The following ANKRD13A variants were observed in gnomAD, a reference collection of about 807,000 sequenced individuals.
The protein encoded by ANKRD13A is ankyrin repeat domain-containing protein 13A.
Under a neutral mutation model 81.3 loss-of-function variants are expected in ANKRD13A, and 48 were observed. That is an observed-to-expected ratio of 0.59 (90% CI 0.47 to 0.75). ANKRD13A has a LOEUF of 0.75. Ranked by LOEUF, ANKRD13A falls within the 30% of genes least tolerant of loss-of-function variation. The pLI is 0.00. For synonymous variants in ANKRD13A, 230 were observed against 270.1 expected (o/e 0.85, Z 1.45); for missense variants, 612 against 734.0 (o/e 0.83, Z 1.92).
At chr12:110,035,471 G>A (rs1347241771) in intron 13 of ANKRD13A, among the ~76,000 whole-genome samples, 1 of 151,376 alleles carries the variant, frequency 6.6e-6, no homozygotes, top group African/African-American at 2.4e-5. Context: ...AATTTTTGAG[G>A]CAGAGTCTCA....
At chr12:110,001,402 G>GA (rs142858785) in intron 1 of ANKRD13A, among the ~76,000 whole-genome samples, 10,557 of 151,160 alleles carry the variant, frequency 0.07, 609 homozygotes, top group African/African-American at 0.15. Context: ...AGCCCTCACC[G>GA]AAGTCCAAAA....
At chr12:110,023,944 C>A in intron 6 of ANKRD13A, 102 bp from the exon 7 acceptor site, 2 of 1,173,870 alleles carry the variant, frequency 1.7e-6, no homozygotes, top group Non-Finnish European at 1.2e-6. Context: ...AAGTGTCCTT[C>A]ACTAACTTAA....
chr12:110,009,614 T>G (rs1890409729), intron 1 of ANKRD13A, among the ~76,000 whole-genome samples: 1 of 152,190 alleles, frequency 6.6e-6, no homozygotes, highest in African/African-American at 2.4e-5. Flanking sequence ...CACTTATTGT[T>G]TTAAAATCAC....
intron 12 of ANKRD13A, among the ~76,000 whole-genome samples, chr12:110,033,528 TA>T (rs1042125179): frequency 1.3e-5 from 2 of 152,164 alleles, no homozygotes; most frequent in Admixed American, 6.5e-5. Context: ...CGTATATGTT[TA>T]GGGGGAGAAA....
intron 6 of ANKRD13A, among the ~76,000 whole-genome samples, chr12:110,020,448 A>T (rs1891022069): frequency 6.6e-6 from 1 of 152,260 alleles, no homozygotes; most frequent in African/African-American, 2.4e-5. Flanking sequence ...GAATTAGGAC[A>T]TCTGTTTGTA....
At chr12:110,024,923 T>A (rs1235596397) in intron 7 of ANKRD13A, among the ~76,000 whole-genome samples, 1 of 152,232 alleles carries the variant, frequency 6.6e-6, no homozygotes, top group Non-Finnish European at 1.5e-5. Context: ...TTACAATAAT[T>A]TTTGTCAGTG....
intron 3 of ANKRD13A, 49 bp downstream of exon 3, chr12:110,013,298 C>G (rs200823148): frequency 5.0e-5 from 80 of 1,607,388 alleles, no homozygotes; most frequent in South Asian, 6.7e-5. Context: ...AATGCTGATA[C>G]AATTACTGGA....
rs1890956853 is a variant in ANKRD13A, at chr12:110,019,317, T to C, written c.723T>C (p.Ile241=). ...VINTSLDTKN[I]AFERTKSGFW... is the part of the protein sequence containing the mutation. ...ACACCAGCCTCGATACTAAAAATAT[T>C]GCTTTTGAAAGGTACAAATTTAGAC... is the stretch of plus-strand genomic sequence containing the variant. The change falls in exon 6 of 15, where the codon ATT becomes ATC. Residue 241 remains isoleucine (I), a synonymous_variant. Coordinates refer to ENST00000261739, the MANE Select transcript of ANKRD13A (RefSeq NM_033121.2). The C allele has an allele frequency of 6.2e-7, 1 of 1,605,486 alleles. No individual in the cohort carries two copies.
intron 1 of ANKRD13A, among the ~76,000 whole-genome samples, chr12:110,001,681 A>T (rs1275372504): frequency 3.3e-5 from 5 of 151,956 alleles, no homozygotes; most frequent in Non-Finnish European, 7.4e-5. Flanking sequence ...CTACCTCCCA[A>T]AGTGCTGGGA....
chr12:110,027,947 A>G, intron 9 of ANKRD13A, 181 bp downstream of exon 9: 1 of 610,546 alleles, frequency 1.6e-6, no homozygotes, highest in Non-Finnish European at 2.9e-6. Flanking sequence ...TTGAAAATAA[A>G]TAAGGATTTT....
Position 110,030,809 on chromosome 12 carries a change from T to G in ANKRD13A, c.1348+51T>G, listed in dbSNP as rs902798140. On this transcript the variant is annotated intron_variant, in intron 12 of 14. Coordinates refer to ENST00000261739, the MANE Select transcript of ANKRD13A (RefSeq NM_033121.2). ...TTAGTTTTGTTATTTAAAAAAAAAT[T>G]TATGGCCGGACGTGGTGGCTTATGC... is the stretch of plus-strand genomic sequence containing the variant. 3.3e-5 allele frequency: 43 copies of G among 1,292,920 alleles called. 1 individual carries two copies. The highest frequency in any genetic ancestry group is 1.5e-4 in the South Asian group (11 of 72,786). The allele number at this position is 1,292,920 out of a possible 1,614,324, so 80.1% of individuals were successfully genotyped here.
chr12:110,023,960 G>A (rs1191286559), intron 6 of ANKRD13A, 86 bp from the exon 7 acceptor site: 1 of 1,352,966 alleles, frequency 7.4e-7, no homozygotes, highest in East Asian at 2.3e-5. Flanking sequence ...CTTAAGCTGG[G>A]GGGGAAAAAA....
intron 2 of ANKRD13A, 111 bp downstream of exon 2, chr12:110,012,248 C>A (rs1469204288): frequency 4.7e-6 from 6 of 1,273,948 alleles, no homozygotes; most frequent in South Asian, 1.6e-5. Flanking sequence ...GTCTGTAGTA[C>A]CAGCTACTCA....
In ANKRD13A at chr12:110,038,450, A is replaced by C. The variant is rs182387760; in HGVS notation, c.*896A>C. Reference sequence around the variant, plus strand: ...CAAACCAGGTGTGTTCTACACCTGCATGAGTGAAGGATTTCCACGTAGACA... The same window carrying C: ...CAAACCAGGTGTGTTCTACACCTGCCTGAGTGAAGGATTTCCACGTAGACA... On this transcript the variant is annotated 3_prime_UTR_variant, in exon 15 of 15. Coordinates refer to ENST00000261739, the MANE Select transcript of ANKRD13A (RefSeq NM_033121.2). The C allele has an allele frequency of 3.9e-5, 6 of 152,714 alleles. No individual in the cohort carries two copies. In the East Asian group the frequency reaches 1.2e-3, roughly 30 times the overall value. 9.5% of individuals were successfully genotyped at this position (152,714 alleles called of 1,614,324 possible).
intron 5 of ANKRD13A, 36 bp from the exon 6 acceptor site, chr12:110,019,103 C>G: frequency 2.0e-6 from 3 of 1,537,362 alleles, no homozygotes; most frequent in Non-Finnish European, 2.6e-6. Context: ...ATCTTCCCTA[C>G]TTTGCACTTA....
At chr12:110,032,498 C>T (rs777010777) in intron 12 of ANKRD13A, 6 of 152,096 alleles carry the variant, frequency 3.9e-5, no homozygotes, top group Non-Finnish European at 7.3e-5. Context: ...AAGGAACACT[C>T]GTGCACTCTT....
intron 1 of ANKRD13A, among the ~76,000 whole-genome samples, chr12:110,011,646 C>A (rs1460429645): frequency 2.6e-4 from 39 of 152,188 alleles, no homozygotes; most frequent in Non-Finnish European, 2.9e-5. Context: ...GAGAAATCCC[C>A]CATGTTCAGT....
In ANKRD13A at chr12:110,039,291, C is replaced by A. The variant is rs1158767095; in HGVS notation, c.*1737C>A. On this transcript the variant is annotated 3_prime_UTR_variant, in exon 15 of 15. Coordinates refer to ENST00000261739, the MANE Select transcript of ANKRD13A (RefSeq NM_033121.2). ...GTGTTTGCATTCCACTGCTCTGCTC[C>A]CTAAGGTCCTTGACTTTCTCCCCAG... 6.6e-6 allele frequency: 1 copy of A among 152,142 alleles called. No homozygotes were observed. The highest frequency in any genetic ancestry group is 2.4e-5 in the African/African-American group (1 of 41,430). 9.4% of individuals were successfully genotyped at this position (152,142 alleles called of 1,614,324 possible). A position where few individuals can be genotyped will look rare whatever the true frequency, so the allele number is the denominator to read the frequency against.
chr12:110,000,393 T>C (rs139211423), intron 1 of ANKRD13A, among the ~76,000 whole-genome samples: 103 of 152,258 alleles, frequency 6.8e-4, no homozygotes, highest in African/African-American at 2.4e-3. Flanking sequence ...TTTAACAAAC[T>C]CCCCAGGGAG....
Sources: allele counts gnomAD v4.1 joint callset (sites outside exome capture counted in the v4.1 genomes callset), GRCh38; gene constraint gnomAD v4.1.1; transcripts MANE v1.5; gene names NCBI Gene and HGNC (gene_info 2026-07-23, HGNC 2026-07-21).